ZBTB38: variants seen among roughly 807,000 people sequenced by gnomAD.
ZBTB38 encodes zinc finger and BTB domain-containing protein 38.
Under a neutral mutation model 76.8 loss-of-function variants are expected in ZBTB38, and 20 were observed. That is an observed-to-expected ratio of 0.26 (90% CI 0.18 to 0.38). The LOEUF is 0.38. Ranked by LOEUF, ZBTB38 falls within the 10% of genes least tolerant of loss-of-function variation. The probability of loss-of-function intolerance (pLI) is 1.00; values close to 1 mark genes in which losing one functional copy is unlikely to be tolerated. For synonymous variants in ZBTB38, 504 were observed against 544.2 expected (o/e 0.93, Z 1.03); for missense variants, 1,082 against 1,482.3 (o/e 0.73, Z 4.43).
chr3:141,408,538 C>G (rs937176847), intron 5 of ZBTB38, among the ~76,000 whole-genome samples: 7 of 151,632 alleles, frequency 4.6e-5, no homozygotes, highest in Non-Finnish European at 1.0e-4. Flanking sequence ...TAGAGCAACA[C>G]TCCATCTCAA....
chr3:141,353,997 A>C (rs188634693), intron 1 of ZBTB38, among the ~76,000 whole-genome samples: 62 of 152,160 alleles, frequency 4.1e-4, no homozygotes, highest in African/African-American at 1.5e-3. Flanking sequence ...TCTTATCCCA[A>C]AATTTCTTCA....
At chr3:141,358,731 T>C (rs1418600419) in intron 1 of ZBTB38, among the ~76,000 whole-genome samples, 1 of 152,222 alleles carries the variant, frequency 6.6e-6, no homozygotes, top group African/African-American at 2.4e-5. Context: ...CCTAAGCCCC[T>C]ATCTCCATCC....
At chr3:141,332,288 C>T (rs1942878320) in intron 1 of ZBTB38, among the ~76,000 whole-genome samples, 1 of 152,182 alleles carries the variant, frequency 6.6e-6, no homozygotes, top group Admixed American at 6.5e-5. Flanking sequence ...CTGGCCATTC[C>T]CTGAGTGCAC....
chr3:141,352,976 C>A (rs1358226048), intron 1 of ZBTB38, among the ~76,000 whole-genome samples: 1 of 152,114 alleles, frequency 6.6e-6, no homozygotes, highest in Non-Finnish European at 1.5e-5. Flanking sequence ...GCATGCCAAA[C>A]AAATGAACAA....
chr3:141,422,646 G>C (rs1300609563), intron 5 of ZBTB38, among the ~76,000 whole-genome samples: 1 of 152,124 alleles, frequency 6.6e-6, no homozygotes, highest in Non-Finnish European at 1.5e-5. Flanking sequence ...TAGGCCTATA[G>C]AAGCCACTCA....
At chr3:141,394,017 C>T (rs1553765972) in intron 4 of ZBTB38, among the ~76,000 whole-genome samples, 1 of 143,480 alleles carries the variant, frequency 7.0e-6, no homozygotes, top group African/African-American at 2.6e-5. Context: ...TCTTTTCTTT[C>T]TTTTTTTTTT....
intron 1 of ZBTB38, among the ~76,000 whole-genome samples, chr3:141,330,489 G>A (rs976804098): frequency 6.6e-6 from 1 of 152,192 alleles, no homozygotes; most frequent in Non-Finnish European, 1.5e-5. Flanking sequence ...GCCACCCTGT[G>A]GAGTTGTTGG....
chr3:141,418,407 G>C (rs2074566490), intron 5 of ZBTB38, among the ~76,000 whole-genome samples: 1 of 152,096 alleles, frequency 6.6e-6, no homozygotes, highest in Non-Finnish European at 1.5e-5. Context: ...TATCCTTCAA[G>C]AGCGAGCCCC....
intron 5 of ZBTB38, among the ~76,000 whole-genome samples, chr3:141,436,285 A>G (rs182387159): frequency 2.6e-5 from 4 of 152,202 alleles, no homozygotes; most frequent in Non-Finnish European, 5.9e-5. Flanking sequence ...TGTGGGTCCA[A>G]TGTTATTTTA....
rs182219869 is a variant in ZBTB38 at position 141,372,500 on chromosome 3, A to G, written c.-235+2554A>G. Among the ~76,000 whole-genome samples, 211 of 151,586 alleles carry G rather than the reference A, an allele frequency of 1.4e-3. 1 individual carries two copies. Among genetic ancestry groups the G allele is most frequent in the African/African-American group, 5.1e-3 (207 of 40,990 alleles). Reference sequence around the variant, plus strand: ...CCCATCTCTACTAAAAAAAAATACAAAATTAGCCGAGCAGGGTGGCGCACA... The same window carrying G: ...CCCATCTCTACTAAAAAAAAATACAGAATTAGCCGAGCAGGGTGGCGCACA... On this transcript the variant is annotated intron_variant, in intron 2 of 5. Transcript: ENST00000321464.
chr3:141,358,832 C>A (rs370993576), intron 1 of ZBTB38, among the ~76,000 whole-genome samples: 2 of 152,250 alleles, frequency 1.3e-5, no homozygotes, highest in African/African-American at 4.8e-5. Flanking sequence ...AATTTGTGGT[C>A]TTTTGTCAGT....
chr3:141,430,740 A>G (rs1367377093), intron 5 of ZBTB38, among the ~76,000 whole-genome samples: 1 of 152,058 alleles, frequency 6.6e-6, no homozygotes, highest in Non-Finnish European at 1.5e-5. Context: ...TTTTAGGACA[A>G]CTCATTCTTG....
intron 2 of ZBTB38, among the ~76,000 whole-genome samples, chr3:141,375,583 G>A (rs1945249783): frequency 6.6e-6 from 1 of 152,262 alleles, no homozygotes; most frequent in Non-Finnish European, 1.5e-5. Context: ...CAGGAGGACA[G>A]AGGGCAGCCG....
In ZBTB38 at chr3:141,351,046, T is replaced by A. The variant is rs181629910; in HGVS notation, c.-738-17575T>A. On this transcript the variant is annotated intron_variant, in intron 1 of 7. Transcript: ENST00000509842. ...ATGTGCATTATTATTTTGAAAAAAA[T>A]TTATATTATAAAACGTGGGTTGCTA... 1.1e-4 allele frequency among the ~76,000 whole-genome samples: 17 copies of A among 152,334 alleles called. No homozygotes were observed. The South Asian group carries it at 2.9e-3, about 26-fold the overall frequency.
chr3:141,434,128 A>G (rs2078223028), intron 5 of ZBTB38: 1 of 918,344 alleles, frequency 1.1e-6, no homozygotes, highest in African/African-American at 1.8e-5. Context: ...TATAAATGTG[A>G]ACAAATGCAT....
At chr3:141,327,413 G>A (rs908080029) in intron 1 of ZBTB38, among the ~76,000 whole-genome samples, 3 of 152,114 alleles carry the variant, frequency 2.0e-5, no homozygotes, top group Admixed American at 6.5e-5. Flanking sequence ...TTACCTCTGC[G>A]GTCTTCCTCC....
rs542229483 is a variant in ZBTB38, at chr3:141,436,503, A to AT, written c.1-5878dup. Among the ~76,000 whole-genome samples the AT allele has an allele frequency of 7.3e-3, 1,103 of 151,568 alleles. 16 individuals carry two copies. The highest frequency in any genetic ancestry group is 0.025 in the African/African-American group (1,033 of 41,302). On this transcript the variant is annotated intron_variant, in intron 5 of 5. Transcript: ENST00000321464. ...CTATTTTTCAAAAAAAGCTATATTG[A>AT]TTTTTTTTGTGTGTGACTGAGTCTT...
chr3:141,401,740 G>A (rs1952032095), intron 4 of ZBTB38, among the ~76,000 whole-genome samples: 1 of 152,042 alleles, frequency 6.6e-6, no homozygotes, highest in African/African-American at 2.4e-5. Context: ...GCTTGTGGCA[G>A]GCCCTCTCTG....
chr3:141,446,004 A>G lies in ZBTB38; in HGVS notation c.*28A>G. The G allele has an allele frequency of 6.6e-7, 1 of 1,521,778 alleles. No homozygotes were observed. The highest frequency in any genetic ancestry group is 1.7e-4 in the Middle Eastern group (1 of 5,720). The allele number at this position is 1,521,778 out of a possible 1,614,324, so 94.3% of individuals were successfully genotyped here. Reference sequence around the variant, plus strand: ...GGCAAGAATTAGAAAAATCTTCAAAAATATAGTTGGTGGTTTTTTTAGTTA... The same window carrying G: ...GGCAAGAATTAGAAAAATCTTCAAAGATATAGTTGGTGGTTTTTTTAGTTA... On this transcript the variant is annotated 3_prime_UTR_variant, in exon 6 of 6. Coordinates refer to ENST00000321464, the MANE Select transcript of ZBTB38 (RefSeq NM_001376113.1).
Sources: allele counts gnomAD v4.1 joint callset (sites outside exome capture counted in the v4.1 genomes callset), GRCh38; gene constraint gnomAD v4.1.1; transcripts MANE v1.5; gene names NCBI Gene and HGNC (gene_info 2026-07-23, HGNC 2026-07-21).